TTN: variants seen among roughly 807,000 people sequenced by gnomAD.
TTN encodes the protein titin, also known as connectin.
In TTN, 1,525 loss-of-function variants were observed where a neutral mutation model predicts 3,223.0. The ratio of observed to expected loss-of-function variants is 0.47; its 90% confidence interval spans 0.45 to 0.49. The LOEUF is 0.49. Among genes scored for constraint, TTN ranks in the 20% least tolerant of loss-of-function variants. The pLI is 0.00. For synonymous variants in TTN, 14,094 were observed against 15,161.0 expected, an observed-to-expected ratio of 0.93 and a Z score of 5.17; for missense variants, 40,786 against 43,424.0, an observed-to-expected ratio of 0.94 and a Z score of 5.40.
rs886042242 is a variant in TTN at position 178,543,526 on chromosome 2, C to G, written c.96447G>C (p.Met32149Ile). The change falls in exon 347 of 363, where the codon ATG becomes ATC. Residue 32149 changes from methionine to isoleucine, a missense_variant. By Grantham distance (10) the Met-to-Ile change is conservative (BLOSUM62 1). Transcript: ENST00000589042. ...NYIVEKREAAMRAFKTVTTKC... is the reference protein window; with the variant it reads ...NYIVEKREAAIRAFKTVTTKC... Reference sequence around the variant, plus strand: ...TGGTAGTTACTGTTTTGAATGCTCTCATAGCAGCTTCACGCTTCTCAACGA... The same window carrying G: ...TGGTAGTTACTGTTTTGAATGCTCTGATAGCAGCTTCACGCTTCTCAACGA... 1 of 1,613,346 alleles carries G rather than the reference C, an allele frequency of 6.2e-7. No homozygotes were observed. Among genetic ancestry groups the G allele is most frequent in the South Asian group, 1.1e-5 (1 of 91,068 alleles).
At chr2:178,804,518 A>G in intron 2 of TTN, 34 bp downstream of exon 2, 1 of 1,598,946 alleles carries the variant, frequency 6.3e-7, no homozygotes, top group Admixed American at 1.7e-5. Flanking sequence ...GAGGCAAAGG[A>G]AAAAAAAACA....
Position 178,776,635 on chromosome 2 carries a change from C to T in TTN, c.5229G>A (p.Lys1743=), listed in dbSNP as rs1361813218. 6.2e-7 allele frequency: 1 copy of T among 1,614,098 alleles called. No homozygotes were observed. The highest frequency in any genetic ancestry group is 1.7e-5 in the Admixed American group (1 of 60,006). Residue 1743 remains lysine, a synonymous_variant, in exon 28 of 363, where the codon AAG becomes AAA. Transcript: ENST00000589042. ...TMVVEWLHDG[K]PLEAANRLRM... ...GGAGCCTGTTGGCTGCTTCAAGTGGCTTTCCATCATGGAGCCACTCCACCA... is the reference window on the plus strand; with the variant it reads ...GGAGCCTGTTGGCTGCTTCAAGTGGTTTTCCATCATGGAGCCACTCCACCA...
chr2:178,663,133 T>C (rs2065066413), intron 173 of TTN, 78 bp from the exon 174 acceptor site: 1 of 1,608,552 alleles, frequency 6.2e-7, no homozygotes, highest in East Asian at 2.2e-5. Flanking sequence ...CCCACCAAGA[T>C]ATTTTGGATA....
intron 86 of TTN, 32 bp from the exon 87 acceptor site, chr2:178,717,842 C>G (rs1325399402): frequency 3.8e-6 from 6 of 1,582,108 alleles, no homozygotes; most frequent in Non-Finnish European, 4.3e-6. Flanking sequence ...TCCTTATTTA[C>G]AGGTGAGAAG....
chr2:178,695,413 G>A lies in TTN; in HGVS notation c.31208-3C>T. On this transcript the variant is annotated splice_polypyrimidine_tract_variant and splice_region_variant and intron_variant, in intron 114 of 362. Coordinates refer to ENST00000589042, the MANE Select transcript of TTN (RefSeq NM_001267550.2). ...TGGAACTTTTCTCTCATGTGATTCT[G>A]AAATAAAAACACAGGAATAAGAAGG... 1 of 1,611,344 alleles carries A rather than the reference G, an allele frequency of 6.2e-7. No homozygotes were observed. Among genetic ancestry groups the A allele is most frequent in the Non-Finnish European group, 8.5e-7 (1 of 1,178,066 alleles).
rs182066133 is a variant in TTN at position 178,801,363 on chromosome 2, G to A, written c.296-681C>T. Among the ~76,000 whole-genome samples the A allele has an allele frequency of 1.3e-3, 193 of 152,292 alleles. 1 individual carries two copies. Among genetic ancestry groups the A allele is most frequent in the African/African-American group, 4.3e-3 (179 of 41,574 alleles). ...TGAGTAATAAACAACAGCAGGTGCT[G>A]CCAACCCTGTGCATTTTCCATTTGT... On this transcript the variant is annotated intron_variant, in intron 3 of 362. Coordinates refer to ENST00000589042, the MANE Select transcript of TTN (RefSeq NM_001267550.2).
rs1307209932 is a variant in TTN at position 178,730,349 on chromosome 2, C to A, written c.18051G>T (p.Lys6017Asn). The change falls in exon 62 of 363, where the codon AAG becomes AAT. Residue 6017 changes from lysine to asparagine, a missense_variant. By Grantham distance (94) the Lys-to-Asn change is moderately conservative. Transcript: ENST00000589042. ...TGGGATTGACATCTTGTGACTGTGG[C>A]TTTTCCACAAAGTAAGGGGGTTCTG... ...TVKEPPYFVEKPQSQDVNPNT... is the reference protein window; with the variant it reads ...TVKEPPYFVENPQSQDVNPNT... The A allele has an allele frequency of 1.2e-6, 2 of 1,605,318 alleles. No individual in the cohort carries two copies. The highest frequency in any genetic ancestry group is 2.2e-5 in the South Asian group (2 of 89,562).
At position 178,634,301 on chromosome 2, in the gene TTN, C is replaced by G; in HGVS notation, c.42415+65G>C. On this transcript the variant is annotated intron_variant, in intron 230 of 362. Transcript: ENST00000589042. This position sits in a 1 kb window ranked among gnomAD's most constrained non-coding sequence, Gnocchi z 4.6. Reference sequence around the variant, plus strand: ...ATCACAGCTTTTAGAACTTGGCGTCCTATCTTTAAAGTCATATATTTGCAT... The same window carrying G: ...ATCACAGCTTTTAGAACTTGGCGTCGTATCTTTAAAGTCATATATTTGCAT... 6.4e-7 allele frequency: 1 copy of G among 1,554,060 alleles called. No individual in the cohort carries two copies. The highest frequency in any genetic ancestry group is 2.3e-5 in the East Asian group (1 of 44,062).
chr2:178,575,308 C>T lies in TTN; in HGVS notation c.70824G>A (p.Val23608=), dbSNP rs1248176732. The change falls in exon 326 of 363, where the codon GTG becomes GTA. Residue 23608 remains valine, a synonymous_variant. Transcript: ENST00000589042. This position sits in a 1 kb window ranked among gnomAD's most constrained non-coding sequence, Gnocchi z 4.0. ...GEEYTFQVMA[V]NSAGRSAPRE... The stretch of plus-strand genomic sequence containing the variant: ...TAGGGGCACTTCTCCCCGCGCTGTT[C>T]ACTGCCATCACTTGGAAGGTATATT... The T allele has an allele frequency of 6.2e-7, 1 of 1,613,388 alleles. No homozygotes were observed. Among genetic ancestry groups the T allele is most frequent in the East Asian group, 2.2e-5 (1 of 44,710 alleles).
At position 178,594,571 on chromosome 2, in the gene TTN, G is replaced by A. The variant is rs745457069; in HGVS notation, c.57923C>T (p.Pro19308Leu). 10 of 1,613,002 alleles carry A rather than the reference G, an allele frequency of 6.2e-6. No homozygotes were observed. Among genetic ancestry groups the A allele is most frequent in the Non-Finnish European group, 5.1e-6 (6 of 1,179,414 alleles). The change falls in exon 296 of 363, where the codon CCT becomes CTT. Residue 19308 changes from proline (P) to leucine (L), a missense_variant. Transcript: ENST00000589042. The stretch of plus-strand genomic sequence containing the variant: ...AATTTCTGACCCACCATCATACTTA[G>A]GAGGATTCCAAGTCAAAGTTACAGT... ...KNTVTLTWNP[P>L]KYDGGSEIIN... is the part of the protein sequence containing the mutation.
Position 178,664,503 on chromosome 2 carries a change from C to G in TTN, c.36237G>C (p.Lys12079Asn), listed in dbSNP as rs1003204385. 23 of 1,612,238 alleles carry G rather than the reference C, an allele frequency of 1.4e-5. No homozygotes were observed. Among genetic ancestry groups the G allele is most frequent in the Non-Finnish European group, 1.8e-5 (21 of 1,179,542 alleles). The change falls in exon 168 of 363, where the codon AAG (lysine) becomes AAC (asparagine). Residue 12079 changes from lysine (K) to asparagine (N), a missense_variant. By Grantham distance (94) the Lys-to-Asn change is moderately conservative. Transcript: ENST00000589042. ...CAGCCCTTTGGGGAGGATGCACTTT[C>G]TTTTCCGGGACAACTTCTCTGAGAG... The part of the protein sequence containing the change: ...PEALREVVPE[K>N]KVHPPQRAEV...
At chr2:178,638,473 C>A (rs966559614) in intron 223 of TTN, among the ~76,000 whole-genome samples, 1 of 150,834 alleles carries the variant, frequency 6.6e-6, no homozygotes, top group African/African-American at 2.4e-5. Flanking sequence ...TAAAAAATTT[C>A]TCTGTCAAAC....
rs549216646 is a variant in TTN at position 178,718,641 on chromosome 2, A to G, written c.24506-41T>C. The G allele has an allele frequency of 1.2e-5, 19 of 1,602,994 alleles. No homozygotes were observed. The African/African-American group carries it at 1.6e-4, about 14-fold the overall frequency. On this transcript the variant is annotated intron_variant, in intron 84 of 362. Transcript: ENST00000589042. ...ATGTGGGTAAAATTCTTGCCTTCTA[A>G]TGAAGACTTAAGAGAAATTTTAAAA... is the stretch of plus-strand genomic sequence containing the variant.
chr2:178,526,768 G>A lies in TTN; in HGVS notation c.*244C>T. ...ATTGTAAAATGTCATAAAATAAATG[G>A]TACAAAACTTTATAACCGTTAATCC... On this transcript the variant is annotated 3_prime_UTR_variant, in exon 363 of 363. Coordinates refer to ENST00000589042, the MANE Select transcript of TTN (RefSeq NM_001267550.2). 2.9e-6 allele frequency: 1 copy of A among 349,572 alleles called. No individual in the cohort carries two copies. The highest frequency in any genetic ancestry group is 5.1e-6 in the Non-Finnish European group (1 of 194,884). The allele number at this position is 349,572 out of a possible 1,614,324, so 21.7% of individuals were successfully genotyped here.
At chr2:178,757,227 A>ATACTGTACTTGCTTTAAGTACAGTCAG (rs1553968975) in intron 45 of TTN, among the ~76,000 whole-genome samples, 3 of 150,314 alleles carry the variant, frequency 2.0e-5, no homozygotes, top group Admixed American at 6.6e-5. Context: ...ACAGTAAGTA[A>ATACTGTACTTGCTTTAAGTACAGTCAG]TAATCAGCAA....
chr2:178,711,385 T>C (rs2076630991), intron 96 of TTN, 36 bp from the exon 97 acceptor site: 3 of 1,523,538 alleles, frequency 2.0e-6, no homozygotes, highest in Non-Finnish European at 2.6e-6. Flanking sequence ...AATACTTTAA[T>C]TTACTAAATG....
At chr2:178,641,056 T>C (rs189915387) in intron 220 of TTN, among the ~76,000 whole-genome samples, 185 bp downstream of exon 220, 5 of 152,036 alleles carry the variant, frequency 3.3e-5, no homozygotes, top group African/African-American at 1.2e-4. Flanking sequence ...AATACATGAA[T>C]GGATTTGGGA....
At chr2:178,730,026 C>A (rs1030333199) in intron 62 of TTN, 67 bp downstream of exon 62, 1 of 1,586,908 alleles carries the variant, frequency 6.3e-7, no homozygotes, top group African/African-American at 1.4e-5. Context: ...AAGCGTCCCC[C>A]GCCCCGGCCC....
In TTN at chr2:178,587,711, C is replaced by T; in HGVS notation, c.63598G>A (p.Gly21200Arg). 2 of 1,612,890 alleles carry T rather than the reference C, an allele frequency of 1.2e-6. No homozygotes were observed. Among genetic ancestry groups the T allele is most frequent in the Non-Finnish European group, 8.5e-7 (1 of 1,179,376 alleles). Residue 21200 changes from glycine (G) to arginine (R), a missense_variant, in exon 306 of 363, where the codon GGA (glycine) becomes AGA (arginine). Gly to Arg is a moderately radical substitution (Grantham distance 125). Coordinates refer to ENST00000589042, the MANE Select transcript of TTN (RefSeq NM_001267550.2). ...CAAGTGACTTTAGGGGCTGGTCGTC[C>T]TCTCACTATAGCAAAGAGACGAATA... ...CPIRLFAIVR[G>R]RPAPKVTWRK...
Sources: allele counts gnomAD v4.1 joint callset (sites outside exome capture counted in the v4.1 genomes callset), GRCh38; gene constraint gnomAD v4.1.1; non-coding constraint Gnocchi (gnomAD v3.1); transcripts MANE v1.5; gene names NCBI Gene and HGNC (gene_info 2026-07-23, HGNC 2026-07-21).